Variants in EIF2AK2 observed in about 807,000 individuals in gnomAD.
EIF2AK2 encodes the protein eukaryotic translation initiation factor 2 alpha kinase 2.
A neutral mutation model predicts 70.5 loss-of-function variants in EIF2AK2; 40 were observed. The observed-to-expected ratio is 0.57, with a 90% CI of 0.44 to 0.74. EIF2AK2 has a LOEUF of 0.74. Among genes scored for constraint, EIF2AK2 ranks in the 30% least tolerant of loss-of-function variants. The pLI, the probability that EIF2AK2 is intolerant of heterozygous loss-of-function variation, is 0.00. For synonymous variants in EIF2AK2, 198 were observed against 220.9 expected, an observed-to-expected ratio of 0.90 and a Z score of 0.92; for missense variants, 555 against 644.3, an observed-to-expected ratio of 0.86 and a Z score of 1.50.
rs1368348215 is a variant in EIF2AK2 at position 37,106,890 on chromosome 2, A to G, written c.*383T>C. On this transcript the variant is annotated 3_prime_UTR_variant, in exon 17 of 17. Coordinates refer to ENST00000233057, the MANE Select transcript of EIF2AK2 (RefSeq NM_001135651.3). ...GAAACCCTGTCTTTATTAAAAACACAAAAATTAGTTGGGTGGGTGGCACAT... is the reference window on the plus strand; with the variant it reads ...GAAACCCTGTCTTTATTAAAAACACGAAAATTAGTTGGGTGGGTGGCACAT... 1 of 158,242 alleles carries G rather than the reference A, an allele frequency of 6.3e-6. No homozygotes were observed. The highest frequency in any genetic ancestry group is 1.4e-5 in the Non-Finnish European group (1 of 72,514). The allele number at this position is 158,242 out of a possible 1,614,324, so 9.8% of individuals were successfully genotyped here.
intron 1 of EIF2AK2, among the ~76,000 whole-genome samples, chr2:37,154,456 T>C (rs1233795189): frequency 6.6e-6 from 1 of 152,196 alleles, no homozygotes; most frequent in Non-Finnish European, 1.5e-5. Context: ...AGTAGTCAGT[T>C]CTTAGTCCTT....
chr2:37,137,869 T>A (rs1389878461), intron 8 of EIF2AK2, among the ~76,000 whole-genome samples: 1 of 152,052 alleles, frequency 6.6e-6, no homozygotes, highest in East Asian at 1.9e-4. Context: ...TCCCAGCACT[T>A]GGGGAGGCCG....
intron 1 of EIF2AK2, among the ~76,000 whole-genome samples, chr2:37,153,898 G>A (rs1675831794): frequency 6.6e-6 from 1 of 152,168 alleles, no homozygotes; most frequent in Non-Finnish European, 1.5e-5. Context: ...TCACCAAATT[G>A]TTTTCCACAG....
In EIF2AK2 at chr2:37,109,301, G is replaced by C; in HGVS notation, c.1378-6C>G. 2 of 1,611,580 alleles carry C rather than the reference G, an allele frequency of 1.2e-6. No homozygotes were observed. Among genetic ancestry groups the C allele is most frequent in the African/African-American group, 2.7e-5 (2 of 74,946 alleles). On this transcript the variant is annotated splice_polypyrimidine_tract_variant and splice_region_variant and intron_variant, in intron 14 of 16. Transcript: ENST00000233057. ...CCATAGTCTTGCGAAGAAATCTAAA[G>C]AGACCAAAATAGATTTACCTTTGTT... is the stretch of plus-strand genomic sequence containing the variant.
rs1229773215 is a variant in EIF2AK2, at chr2:37,107,085, A to G, written c.*188T>C. ...AAAGAGATGAGCCAGGAAAAAGTAA[A>G]ATGTAAGAATGTTTTTGAAGCAAAA... On this transcript the variant is annotated 3_prime_UTR_variant, in exon 17 of 17. Transcript: ENST00000233057. The G allele has an allele frequency of 1.2e-5, 9 of 729,578 alleles. No individual in the cohort carries two copies. The highest frequency in any genetic ancestry group is 1.4e-5 in the Non-Finnish European group (7 of 502,364). The allele number at this position is 729,578 out of a possible 1,614,324, so 45.2% of individuals were successfully genotyped here. A position where few individuals can be genotyped will look rare whatever the true frequency, so the allele number is the denominator to read the frequency against.
intron 12 of EIF2AK2, 103 bp from the exon 13 acceptor site, chr2:37,120,242 T>C: frequency 1.2e-6 from 1 of 802,624 alleles, no homozygotes; most frequent in Non-Finnish European, 1.7e-6. Context: ...TAAAAGCTTA[T>C]ACCTTATCTT....
At chr2:37,141,277 G>A (rs757037397) in intron 5 of EIF2AK2, among the ~76,000 whole-genome samples, 3 of 152,164 alleles carry the variant, frequency 2.0e-5, no homozygotes, top group Non-Finnish European at 4.4e-5. Flanking sequence ...GTGGCACCCT[G>A]TACTCTCTTG....
At chr2:37,145,406 G>T (rs1437226670) in intron 4 of EIF2AK2, among the ~76,000 whole-genome samples, 1 of 152,208 alleles carries the variant, frequency 6.6e-6, no homozygotes, top group Non-Finnish European at 1.5e-5. Context: ...GCCTCCCAAA[G>T]TGCCAGGATT....
At chr2:37,111,225 GTGA>G (rs900812353) in intron 14 of EIF2AK2, among the ~76,000 whole-genome samples, 1 of 152,044 alleles carries the variant, frequency 6.6e-6, no homozygotes, top group African/African-American at 2.4e-5. Context: ...ATGTATGGTG[GTGA>G]TGAAAGCACA....
intron 4 of EIF2AK2, among the ~76,000 whole-genome samples, chr2:37,145,148 T>G (rs961221646): frequency 6.7e-5 from 10 of 148,434 alleles, no homozygotes; most frequent in African/African-American, 2.5e-4. Context: ...TGGGTTTTTT[T>G]TTTTTTTTTT....
chr2:37,147,706 C>T lies in EIF2AK2; in HGVS notation c.101G>A (p.Gly34Glu). The change falls in exon 3 of 17, where the codon GGA (glycine) becomes GAA (glutamate). Residue 34 changes from glycine to glutamate, a missense_variant. By Grantham distance (98) the Gly-to-Glu change is moderately conservative (BLOSUM62 -2). Coordinates refer to ENST00000233057, the MANE Select transcript of EIF2AK2 (RefSeq NM_001135651.3). ...VLKYQELPNSGPPHDRRFTFQ... is the reference protein window; with the variant it reads ...VLKYQELPNSEPPHDRRFTFQ... Reference sequence around the variant, plus strand: ...AACCTACCTCCTATCATGTGGAGGTCCTGAATTAGGCAGTTCTTGATATTT... The same window carrying T: ...AACCTACCTCCTATCATGTGGAGGTTCTGAATTAGGCAGTTCTTGATATTT... 1 of 1,612,258 alleles carries T rather than the reference C, an allele frequency of 6.2e-7. No individual in the cohort carries two copies. The highest frequency in any genetic ancestry group is 8.5e-7 in the Non-Finnish European group (1 of 1,178,730).
chr2:37,130,349 C>T (rs899734867), intron 10 of EIF2AK2, among the ~76,000 whole-genome samples: 15 of 152,148 alleles, frequency 9.9e-5, no homozygotes, highest in Admixed American at 3.9e-4. Flanking sequence ...GTGATCCACC[C>T]GCCTTGGCCT....
intron 1 of EIF2AK2, among the ~76,000 whole-genome samples, chr2:37,153,472 TG>T (rs1417506481): frequency 2.0e-4 from 30 of 151,630 alleles, no homozygotes; most frequent in Non-Finnish European, 3.5e-4. Flanking sequence ...CCCGAGTAGC[TG>T]GGACCATAGG....
rs200092086 is a variant in EIF2AK2, at chr2:37,139,302, G to A, written c.516+329C>T. The stretch of plus-strand genomic sequence containing the variant: ...TGCACTCTAGCCTGGGCAACAGAGC[G>A]AGATTCCATCTCAAAAAAAAAAAAA... On this transcript the variant is annotated intron_variant, in intron 6 of 16. Coordinates refer to ENST00000233057, the MANE Select transcript of EIF2AK2 (RefSeq NM_001135651.3). Among the ~76,000 whole-genome samples, 81 of 144,132 alleles carry A rather than the reference G, an allele frequency of 5.6e-4. 1 individual carries two copies. The highest frequency in any genetic ancestry group is 1.6e-3 in the South Asian group (7 of 4,352). 94.6% of individuals were successfully genotyped at this position (144,132 alleles called of 152,430 possible).
intron 1 of EIF2AK2, among the ~76,000 whole-genome samples, chr2:37,156,425 C>T (rs1457631887): frequency 6.6e-5 from 10 of 152,032 alleles, no homozygotes; most frequent in African/African-American, 2.2e-4. Context: ...GGTGAGGATA[C>T]GGAGTGGGAA....
chr2:37,118,115 C>A (rs914037992), intron 13 of EIF2AK2, among the ~76,000 whole-genome samples: 1 of 151,606 alleles, frequency 6.6e-6, no homozygotes, highest in African/African-American at 2.4e-5. Flanking sequence ...TTGAGACCAG[C>A]CTCGGAAACA....
intron 1 of EIF2AK2, among the ~76,000 whole-genome samples, chr2:37,150,047 G>C (rs1411751861): frequency 6.6e-6 from 1 of 151,880 alleles, no homozygotes; most frequent in African/African-American, 2.4e-5. Flanking sequence ...TCTTCCTGCT[G>C]TGCATTCATA....
chr2:37,119,697 A>G, intron 13 of EIF2AK2, among the ~76,000 whole-genome samples: 1 of 151,258 alleles, frequency 6.6e-6, no homozygotes, highest in East Asian at 1.9e-4. Flanking sequence ...GTTCAAGCGA[A>G]TCTCCTGCCT....
rs1675649790 is a variant in EIF2AK2, at chr2:37,148,902, T to G, written c.-62A>C. 2 of 826,696 alleles carry G rather than the reference T, an allele frequency of 2.4e-6. No individual in the cohort carries two copies. Among genetic ancestry groups the G allele is most frequent in the South Asian group, 2.7e-5 (2 of 74,912 alleles). The allele number at this position is 826,696 out of a possible 1,614,324, so 51.2% of individuals were successfully genotyped here. A position where few individuals can be genotyped will look rare whatever the true frequency, so the allele number is the denominator to read the frequency against. ...AAATGCACGCAGATAATCACGGAAGTGTGGATGTTGATTCTGAAGACCGCC... is the reference window on the plus strand; with the variant it reads ...AAATGCACGCAGATAATCACGGAAGGGTGGATGTTGATTCTGAAGACCGCC... On this transcript the variant is annotated 5_prime_UTR_variant, in exon 2 of 17. Coordinates refer to ENST00000233057, the MANE Select transcript of EIF2AK2 (RefSeq NM_001135651.3).
Sources: allele counts gnomAD v4.1 joint callset (sites outside exome capture counted in the v4.1 genomes callset), GRCh38; gene constraint gnomAD v4.1.1; transcripts MANE v1.5; gene names NCBI Gene and HGNC (gene_info 2026-07-23, HGNC 2026-07-21).